The following TTN variants were observed in gnomAD, a reference collection of about 807,000 sequenced individuals.
TTN encodes the protein connectin.
A neutral mutation model predicts 3,223.0 loss-of-function variants in TTN; 1,525 were observed. The ratio of observed to expected loss-of-function variants is 0.47; its 90% confidence interval spans 0.45 to 0.49. The LOEUF is 0.49. Ranked by LOEUF, TTN falls within the 20% of genes least tolerant of loss-of-function variation. The pLI, the probability that TTN is intolerant of heterozygous loss-of-function variation, is 0.00. For synonymous variants in TTN, 14,094 were observed against 15,161.0 expected (o/e 0.93, Z 5.17); for missense variants, 40,786 against 43,424.0 (o/e 0.94, Z 5.40).
Position 178,684,400 on chromosome 2 carries a change from G to A in TTN, c.32652C>T (p.His10884=), listed in dbSNP as rs369173027. 4.1e-5 allele frequency: 66 copies of A among 1,613,366 alleles called. No individual in the cohort carries two copies. Among genetic ancestry groups the A allele is most frequent in the Non-Finnish European group, 5.2e-5 (61 of 1,179,648 alleles). ...CTTTTTCTTCCTGGGTAATTTGCAT[G>A]TGCCTCTCAGTCACTTAAAAGATAA... The part of the protein sequence containing the change: ...EPLPAKVTER[H]MQITQEEKVL... Residue 10884 remains histidine, a synonymous_variant, in exon 132 of 363, where the codon CAC becomes CAT. Transcript: ENST00000589042.
Position 178,769,292 on chromosome 2 carries a change from C to T in TTN, c.8903-359G>A, listed in dbSNP as rs374649904. 1.5e-4 allele frequency among the ~76,000 whole-genome samples: 23 copies of T among 151,666 alleles called. No individual in the cohort carries two copies. The East Asian group carries it at 1.9e-3, about 13-fold the overall frequency. The stretch of plus-strand genomic sequence containing the variant: ...TTTTTGAGGCAGGTTCTCACTTTGT[C>T]GCCCAGGCTGCAGTGCAGTGCCGTG... On this transcript the variant is annotated intron_variant, in intron 37 of 362. Coordinates refer to ENST00000589042, the MANE Select transcript of TTN (RefSeq NM_001267550.2).
rs761091731 is a variant in TTN, at chr2:178,527,028, T to C, written c.107960A>G (p.His35987Arg). 2 of 1,613,194 alleles carry C rather than the reference T, an allele frequency of 1.2e-6. No individual in the cohort carries two copies. Among genetic ancestry groups the C allele is most frequent in the Non-Finnish European group, 8.5e-7 (1 of 1,179,424 alleles). ...FGSDSATVNI[H>R]IRSI ...CAGGCCCTCTTAAATGGATCGAATA[T>C]GTATATTCACAGTGGCAGAGTCAGA... Residue 35987 changes from histidine to arginine, a missense_variant, in exon 363 of 363, where the codon CAT becomes CGT. Transcript: ENST00000589042.
At chr2:178,664,599 C>T in intron 167 of TTN, 55 bp downstream of exon 167, 2 of 1,606,150 alleles carry the variant, frequency 1.2e-6, no homozygotes, top group East Asian at 2.2e-5. Flanking sequence ...TCAGGAAAAA[C>T]ATTTATACAA....
At position 178,567,169 on chromosome 2, in the gene TTN, G is replaced by T. The variant is rs769466262; in HGVS notation, c.78963C>A (p.His26321Gln). ...PLQDGGSDISHYVVEKRETSR... is the reference protein window; with the variant it reads ...PLQDGGSDISQYVVEKRETSR... ...TGGTTTCTCGCTTTTCAACAACATA[G>T]TGAGAAATGTCACTGCCACCATCTT... The change falls in exon 326 of 363, where the codon CAC becomes CAA. Residue 26321 changes from histidine (H) to glutamine (Q), a missense_variant. Transcript: ENST00000589042. 7 of 1,613,280 alleles carry T rather than the reference G, an allele frequency of 4.3e-6. No homozygotes were observed. The highest frequency in any genetic ancestry group is 1.3e-5 in the African/African-American group (1 of 74,866).
In TTN at chr2:178,569,444, A is replaced by T. The variant is rs1273963065; in HGVS notation, c.76688T>A (p.Phe25563Tyr). Reference sequence around the variant, plus strand: ...GACATTGTCAAGAACAAGAGAGGTGAAACTGCTAGTGACATCAATTATAGC... The same window carrying T: ...GACATTGTCAAGAACAAGAGAGGTGTAACTGCTAGTGACATCAATTATAGC... ...DAAIIDVTSS[F>Y]TSLVLDNVNR... The change falls in exon 326 of 363, where the codon TTC becomes TAC. Residue 25563 changes from phenylalanine (F) to tyrosine (Y), a missense_variant. Transcript: ENST00000589042. 1.9e-6 allele frequency: 3 copies of T among 1,613,226 alleles called. No homozygotes were observed. The highest frequency in any genetic ancestry group is 2.5e-6 in the Non-Finnish European group (3 of 1,179,512).
Position 178,621,647 on chromosome 2 carries a change from T to C in TTN, c.45177A>G (p.Ala15059=), listed in dbSNP as rs769716636. The C allele has an allele frequency of 6.8e-6, 11 of 1,612,400 alleles. No individual in the cohort carries two copies. In the African/African-American group the frequency reaches 1.5e-4, roughly 22 times the overall value. The change falls in exon 245 of 363, where the codon GCA becomes GCG. Residue 15059 remains alanine, a synonymous_variant. Coordinates refer to ENST00000589042, the MANE Select transcript of TTN (RefSeq NM_001267550.2). ...CATCCCCTTTATACCAAATCACTTCTGCGCCAGGTTTGGAGACTTCACAAA... is the reference window on the plus strand; with the variant it reads ...CATCCCCTTTATACCAAATCACTTCCGCGCCAGGTTTGGAGACTTCACAAA... ...KLVCEVSKPG[A]EVIWYKGDEE...
At chr2:178,692,383 G>T in intron 120 of TTN, 114 bp downstream of exon 120, 2 of 1,036,840 alleles carry the variant, frequency 1.9e-6, no homozygotes, top group South Asian at 1.4e-5. Flanking sequence ...AATATACACA[G>T]AATTAAATAT....
chr2:178,570,129 C>G lies in TTN; in HGVS notation c.76003G>C (p.Glu25335Gln), dbSNP rs1416617749. 6.2e-7 allele frequency: 1 copy of G among 1,613,482 alleles called. No homozygotes were observed. ...TTCTCAAGAACATATCCAAGAATTT[C>G]ACTACCACCATCAGATGCTGGTCTT... is the stretch of plus-strand genomic sequence containing the variant. ...WERPASDGGS[E>Q]ILGYVLEKRD... The change falls in exon 326 of 363, where the codon GAA becomes CAA. Residue 25335 changes from glutamate (E) to glutamine (Q), a missense_variant. Glu to Gln is a conservative substitution (Grantham distance 29). Coordinates refer to ENST00000589042, the MANE Select transcript of TTN (RefSeq NM_001267550.2).
In TTN at chr2:178,707,562, C is replaced by T; in HGVS notation, c.29005G>A (p.Gly9669Arg). ...ACTTTTGATTTGGTAGTGTCACTTC[C>T]AGCCACATTTGAAGCTTTACACACA... ...DYVCKASNVA[G>R]SDTTKSKVTI... The change falls in exon 100 of 363, where the codon GGA becomes AGA. Residue 9669 changes from glycine to arginine, a missense_variant. By Grantham distance (125) the Gly-to-Arg change is moderately radical. Coordinates refer to ENST00000589042, the MANE Select transcript of TTN (RefSeq NM_001267550.2). The T allele has an allele frequency of 5.0e-6, 8 of 1,613,684 alleles. No homozygotes were observed. Among genetic ancestry groups the T allele is most frequent in the Non-Finnish European group, 6.8e-6 (8 of 1,179,722 alleles).
Position 178,706,895 on chromosome 2 carries a change from CA to C in TTN, c.29100del (p.Phe9700LeufsTer11). The C allele has an allele frequency of 1.9e-6, 3 of 1,612,328 alleles. No homozygotes were observed. The highest frequency in any genetic ancestry group is 2.5e-6 in the Non-Finnish European group (3 of 1,179,216). The part of the protein sequence containing the change: ...KKAAVDGRLF[F>X]VSEPQSIRVV... ...ACTCTGATACTCTGAGGTTCTGACA[CA>C]AAAAAGAGTCTTCCATCTACCGCAG... On this transcript the variant is annotated frameshift_variant, in exon 101 of 363. Coordinates refer to ENST00000589042, the MANE Select transcript of TTN (RefSeq NM_001267550.2). LOFTEE classifies it high-confidence loss of function.
intron 241 of TTN, 79 bp from the exon 242 acceptor site, chr2:178,624,810 C>A: frequency 6.6e-7 from 1 of 1,517,090 alleles, no homozygotes; most frequent in East Asian, 2.3e-5. Flanking sequence ...TTTCCCCTGC[C>A]ATCTCCAGGG....
At chr2:178,581,313 CAT>C (rs1476058296) in intron 316 of TTN, among the ~76,000 whole-genome samples, 184 bp downstream of exon 316, 1 of 152,024 alleles carries the variant, frequency 6.6e-6, no homozygotes, top group Non-Finnish European at 1.5e-5. Flanking sequence ...AACCACAAAT[CAT>C]GTGCATTTGA....
chr2:178,594,485 C>T lies in TTN; in HGVS notation c.58009G>A (p.Asp19337Asn), dbSNP rs1239348052. Residue 19337 changes from aspartate (D) to asparagine (N), a missense_variant, in exon 296 of 363, where the codon GAC (aspartate) becomes AAC (asparagine). Coordinates refer to ENST00000589042, the MANE Select transcript of TTN (RefSeq NM_001267550.2). ...GTEKFHKVTN[D>N]NLLSRKYTVK... ...GTGTATTTTCTGCTAAGCAAGTTGT[C>T]ATTTGTAACTTTGTGGAACTTCTCA... 6.2e-7 allele frequency: 1 copy of T among 1,613,286 alleles called. No homozygotes were observed. Among genetic ancestry groups the T allele is most frequent in the Non-Finnish European group, 8.5e-7 (1 of 1,179,510 alleles).
At position 178,554,117 on chromosome 2, in the gene TTN, A is replaced by C; in HGVS notation, c.88994T>G (p.Ile29665Arg). The change falls in exon 333 of 363, where the codon ATA (isoleucine) becomes AGA (arginine). Residue 29665 changes from isoleucine to arginine, a missense_variant. Ile to Arg is a moderately conservative substitution (Grantham distance 97). Transcript: ENST00000589042. ...SRPIADGGSDISGYFLEKRDK... is the reference protein window; with the variant it reads ...SRPIADGGSDRSGYFLEKRDK... ...TCGTTTTTCAAGGAAATAGCCACTTATATCACTACCGCCATCTGCAATTGG... is the reference window on the plus strand; with the variant it reads ...TCGTTTTTCAAGGAAATAGCCACTTCTATCACTACCGCCATCTGCAATTGG... 1 of 1,613,844 alleles carries C rather than the reference A, an allele frequency of 6.2e-7. No individual in the cohort carries two copies. The highest frequency in any genetic ancestry group is 8.5e-7 in the Non-Finnish European group (1 of 1,179,810).
Position 178,587,826 on chromosome 2 carries a change from T to C in TTN, c.63509-26A>G, listed in dbSNP as rs557369958. 2.9e-5 allele frequency: 46 copies of C among 1,570,500 alleles called. 1 individual carries two copies. In the Middle Eastern group the frequency reaches 6.8e-4, roughly 23 times the overall value. On this transcript the variant is annotated intron_variant, in intron 305 of 362. Coordinates refer to ENST00000589042, the MANE Select transcript of TTN (RefSeq NM_001267550.2). ...CTGCAAATGACATTAAGGTCATTAA[T>C]TGATTTTTCAGAATGTGGGGAAATC...
At chr2:178,551,330 C>G (rs1699347562) in intron 335 of TTN, 70 bp from the exon 336 acceptor site, 1 of 1,235,824 alleles carries the variant, frequency 8.1e-7, no homozygotes, top group African/African-American at 1.6e-5. Context: ...CATGGAAGAA[C>G]AATACAATTA....
rs56307213 is a variant in TTN, at chr2:178,566,349, C to G, written c.79783G>C (p.Asp26595His). ...DKLEAPELDL[D>H]SELRKGIVVR... The stretch of plus-strand genomic sequence containing the variant: ...ACAATTCCTTTTCTTAATTCGGAGT[C>G]AAGGTCAAGTTCAGGTGCTTCAAGT... Residue 26595 changes from aspartate to histidine, a missense_variant, in exon 326 of 363, where the codon GAC becomes CAC. Asp to His is a moderately conservative substitution (Grantham distance 81, BLOSUM62 -1). Transcript: ENST00000589042. 28,328 of 1,613,520 alleles carry G rather than the reference C, an allele frequency of 0.018. 304 individuals carry two copies. Among genetic ancestry groups the G allele is most frequent in the Non-Finnish European group, 0.02 (23,463 of 1,179,670 alleles).
At position 178,740,821 on chromosome 2, in the gene TTN, T is replaced by C. The variant is rs377290301; in HGVS notation, c.12412A>G (p.Ile4138Val). Residue 4138 changes from isoleucine to valine, a missense_variant, in exon 48 of 363, where the codon ATT becomes GTT. Coordinates refer to ENST00000589042, the MANE Select transcript of TTN (RefSeq NM_001267550.2). ...GGTTCCTTGAGAGGCTGAAAGTGAA[T>C]ACTGCCATTGATGCAAAGAAATTCC... ...TREFLCINGS[I>V]HFQPLKEPSP... is the part of the protein sequence containing the mutation. 2.4e-5 allele frequency: 39 copies of C among 1,613,648 alleles called. No individual in the cohort carries two copies. The African/African-American group carries it at 4.4e-4, about 18-fold the overall frequency.
At chr2:178,754,197 AG>A (rs1347959105) in intron 46 of TTN, among the ~76,000 whole-genome samples, 15 of 152,254 alleles carry the variant, frequency 9.9e-5, no homozygotes, top group Non-Finnish European at 1.9e-4. Flanking sequence ...AAAGACTTCC[AG>A]GGGTTTGACA....
Sources: gnomAD v4.1 joint callset for allele counts (sites outside exome capture counted in the v4.1 genomes callset) on GRCh38, gnomAD v4.1.1 for gene constraint, MANE v1.5 for transcripts, NCBI Gene and HGNC (gene_info 2026-07-23, HGNC 2026-07-21) for gene names.